BICRA: variants seen among roughly 807,000 people sequenced by gnomAD.
BICRA encodes BRD4-interacting chromatin-remodeling complex-associated protein.
A neutral mutation model predicts 96.9 loss-of-function variants in BICRA; 31 were observed. The ratio of observed to expected loss-of-function variants is 0.32; its 90% CI spans 0.24 to 0.43. The LOEUF is 0.43. Ranked by LOEUF, BICRA falls within the 20% of genes least tolerant of loss-of-function variation. The probability of loss-of-function intolerance (pLI) is 1.00; values close to 1 mark genes in which losing one functional copy is unlikely to be tolerated. For missense variants in BICRA, 2,283 were observed against 2,190.3 expected, an observed-to-expected ratio of 1.04 and a Z score of -0.84; for synonymous variants, 1,350 against 1,071.8, an observed-to-expected ratio of 1.26 and a Z score of -5.07.
At chr19:47,677,486 C>T (rs1045803729) in intron 5 of BICRA, among the ~76,000 whole-genome samples, 5 of 152,268 alleles carry the variant, frequency 3.3e-5, no homozygotes, top group African/African-American at 1.2e-4. Context: ...CACCTGAGGT[C>T]GGGAGTTCGA....
intron 1 of BICRA, among the ~76,000 whole-genome samples, chr19:47,623,213 G>C (rs2123512804): frequency 6.6e-6 from 1 of 152,142 alleles, no homozygotes; most frequent in African/African-American, 2.4e-5. Context: ...TGAATTGCTT[G>C]CTTTGTGCGA....
intron 1 of BICRA, among the ~76,000 whole-genome samples, chr19:47,658,463 A>C (rs1026148308): frequency 6.6e-6 from 1 of 151,938 alleles, no homozygotes; most frequent in Non-Finnish European, 1.5e-5. Context: ...TGAGGTGGGC[A>C]GATGACTTGA....
intron 1 of BICRA, among the ~76,000 whole-genome samples, chr19:47,622,159 T>G (rs1401282030): frequency 6.6e-6 from 1 of 151,570 alleles, no homozygotes; most frequent in African/African-American, 2.4e-5. Flanking sequence ...TAGAGACAGG[T>G]TTCACTATGT....
intron 7 of BICRA, among the ~76,000 whole-genome samples, chr19:47,683,695 C>T (rs2123592822): frequency 6.6e-6 from 1 of 152,194 alleles, no homozygotes; most frequent in Non-Finnish European, 1.5e-5. Flanking sequence ...CGCCATTCTC[C>T]TGCCTCAGCC....
chr19:47,685,774 T>TGCGC (rs1599856434), intron 7 of BICRA, among the ~76,000 whole-genome samples: 1 of 134,028 alleles, frequency 7.5e-6, no homozygotes, highest in Non-Finnish European at 1.6e-5. Context: ...TGTGTGTGTG[T>TGCGC]GTGTGTGTGT....
chr19:47,672,255 AGATG>A (rs1481943660), intron 2 of BICRA, among the ~76,000 whole-genome samples: 2 of 140,584 alleles, frequency 1.4e-5, no homozygotes, highest in South Asian at 2.4e-4. Context: ...ATGGGTGGGT[AGATG>A]GATGGAAGGA....
At chr19:47,693,606 G>A (rs1370251500) in intron 7 of BICRA, among the ~76,000 whole-genome samples, 1 of 152,236 alleles carries the variant, frequency 6.6e-6, no homozygotes, top group African/African-American at 2.4e-5. Flanking sequence ...GCATCATGCT[G>A]GTGTCTCTTT....
chr19:47,635,940 C>T (rs1258684922), intron 1 of BICRA, among the ~76,000 whole-genome samples: 2 of 152,162 alleles, frequency 1.3e-5, no homozygotes, highest in African/African-American at 2.4e-5. Flanking sequence ...AAATCTGAAA[C>T]TTTTTGATCA....
chr19:47,698,879 T>A lies in BICRA; in HGVS notation c.3398-86T>A. On this transcript the variant is annotated intron_variant, in intron 12 of 14. Transcript: ENST00000594866. The surrounding 1 kb of genome is among the most constrained non-coding windows in gnomAD (Gnocchi z 4.8). ...GTGGAGCCGCAGGTCCACGGTGCGC[T>A]ATGCTGACCCTGCCCCGCCCTCCTT... 2.2e-6 allele frequency: 3 copies of A among 1,344,966 alleles called. No homozygotes were observed. The highest frequency in any genetic ancestry group is 3.1e-6 in the Non-Finnish European group (3 of 959,348). The allele number at this position is 1,344,966 out of a possible 1,614,324, so 83.3% of individuals were successfully genotyped here.
intron 1 of BICRA, among the ~76,000 whole-genome samples, chr19:47,627,425 T>G (rs1972157667): frequency 6.6e-6 from 1 of 152,172 alleles, no homozygotes; most frequent in Non-Finnish European, 1.5e-5. Flanking sequence ...ACGGAAATGC[T>G]GCATTTATGG....
chr19:47,688,887 C>T (rs1378051948), intron 7 of BICRA, among the ~76,000 whole-genome samples: 3 of 151,994 alleles, frequency 2.0e-5, no homozygotes, highest in South Asian at 2.1e-4. Flanking sequence ...AGTGCAGTGG[C>T]GCGATCTCGG....
intron 2 of BICRA, among the ~76,000 whole-genome samples, chr19:47,670,997 G>A (rs1972854254): frequency 6.6e-6 from 1 of 152,206 alleles, no homozygotes; most frequent in Admixed American, 6.5e-5. Context: ...GCCCCTGAGA[G>A]GTAGAGTAAT....
At chr19:47,695,980 A>G (rs1039471749) in intron 10 of BICRA, among the ~76,000 whole-genome samples, 6 of 152,022 alleles carry the variant, frequency 3.9e-5, no homozygotes, top group Admixed American at 3.9e-4. Context: ...AGGACCCAAG[A>G]GGCCGGGAGA....
intron 1 of BICRA, among the ~76,000 whole-genome samples, chr19:47,655,133 TG>T (rs1053312178): frequency 2.6e-5 from 4 of 152,318 alleles, no homozygotes; most frequent in East Asian, 3.9e-4. Context: ...CGCCACACCC[TG>T]CTTTCTTATT....
chr19:47,610,358 C>G (rs1407779894), intron 1 of BICRA, among the ~76,000 whole-genome samples: 2 of 152,222 alleles, frequency 1.3e-5, no homozygotes, highest in Non-Finnish European at 2.9e-5. Flanking sequence ...GGCAAGGAGC[C>G]GCGGGAGAGC....
chr19:47,673,666 C>T, intron 3 of BICRA, 51 bp downstream of exon 3: 1 of 1,144,444 alleles, frequency 8.7e-7, no homozygotes, highest in East Asian at 2.9e-5. Context: ...CCCCTCCCTT[C>T]CCTCCCCTCC....
At chr19:47,626,752 C>T (rs112585481) in intron 1 of BICRA, among the ~76,000 whole-genome samples, 17 of 137,448 alleles carry the variant, frequency 1.2e-4, no homozygotes, top group African/African-American at 4.0e-4. Flanking sequence ...GACAGAGTCT[C>T]GCTCGGTCAC....
chr19:47,656,940 C>T (rs1053633063), intron 1 of BICRA, among the ~76,000 whole-genome samples: 9 of 152,010 alleles, frequency 5.9e-5, no homozygotes, highest in South Asian at 2.1e-4. Context: ...CGGCTCACTG[C>T]AACCTCCACC....
intron 1 of BICRA, among the ~76,000 whole-genome samples, chr19:47,656,042 C>G (rs1219381322): frequency 2.7e-5 from 4 of 148,446 alleles, no homozygotes; most frequent in Non-Finnish European, 5.9e-5. Context: ...CGAGACCAGC[C>G]TGGGGAACAT....
Sources: gnomAD v4.1 joint callset for allele counts (sites outside exome capture counted in the v4.1 genomes callset) on GRCh38, gnomAD v4.1.1 for gene constraint, Gnocchi (gnomAD v3.1) non-coding constraint, MANE v1.5 for transcripts, NCBI Gene and HGNC (gene_info 2026-07-23, HGNC 2026-07-21) for gene names.